The following PREX2 variants were observed in gnomAD, a reference collection of about 807,000 sequenced individuals.
The protein encoded by PREX2 is phosphatidylinositol-3,4,5-trisphosphate dependent Rac exchange factor 2, also known as phosphatidylinositol 3,4,5-trisphosphate-dependent Rac exchanger 2 protein.
In PREX2, 107 loss-of-function variants were observed where a neutral mutation model predicts 203.2. The observed-to-expected ratio is 0.53, with a 90% confidence interval of 0.45 to 0.62. PREX2 has a LOEUF of 0.62. PREX2 is among the 20% of genes least tolerant of loss of function. The pLI, the probability that PREX2 is intolerant of heterozygous loss-of-function variation, is 0.00. For missense variants in PREX2, 1,777 were observed against 1,955.9 expected (o/e 0.91, Z 1.72); for synonymous variants, 672 against 663.6 (o/e 1.01, Z -0.19).
chr8:68,046,064 A>G (rs1808342755), intron 8 of PREX2, among the ~76,000 whole-genome samples: 1 of 152,072 alleles, frequency 6.6e-6, no homozygotes, highest in Admixed American at 6.6e-5. Flanking sequence ...TCTGTTCTTT[A>G]TTGGACCTGA....
intron 20 of PREX2, among the ~76,000 whole-genome samples, chr8:68,093,145 C>A (rs1458952209): frequency 6.6e-6 from 1 of 152,042 alleles, no homozygotes; most frequent in Non-Finnish European, 1.5e-5. Context: ...AATCCCAGCA[C>A]TTTGGGAGGC....
At chr8:68,222,504 CT>C (rs1812972648) in intron 38 of PREX2, among the ~76,000 whole-genome samples, 1 of 151,058 alleles carries the variant, frequency 6.6e-6, no homozygotes, top group Non-Finnish European at 1.5e-5. Context: ...TGAGTCCACA[CT>C]GATTTAAATA....
intron 35 of PREX2, among the ~76,000 whole-genome samples, chr8:68,191,031 T>C (rs1251179412): frequency 6.6e-6 from 1 of 152,084 alleles, no homozygotes; most frequent in Admixed American, 6.6e-5. Flanking sequence ...AGCCATAAAA[T>C]AGAATGAGAT....
chr8:68,081,083 G>T (rs529912821), intron 17 of PREX2, among the ~76,000 whole-genome samples: 1 of 152,070 alleles, frequency 6.6e-6, no homozygotes, highest in Non-Finnish European at 1.5e-5. Context: ...TATAGCAGCC[G>T]TCCCCAACCT....
intron 5 of PREX2, among the ~76,000 whole-genome samples, chr8:68,027,935 C>T (rs534772652): frequency 5.3e-5 from 8 of 152,054 alleles, no homozygotes; most frequent in African/African-American, 1.9e-4. Context: ...CTGTAAGGTG[C>T]CAACTACTGC....
At chr8:68,051,329 A>G (rs1387652976) in intron 8 of PREX2, among the ~76,000 whole-genome samples, 3 of 148,258 alleles carry the variant, frequency 2.0e-5, no homozygotes, top group African/African-American at 8.0e-5. Flanking sequence ...ATCCAGAGTA[A>G]TGGTTAAAGG....
chr8:68,045,279 T>C (rs1352457936), intron 8 of PREX2, among the ~76,000 whole-genome samples: 2 of 152,052 alleles, frequency 1.3e-5, no homozygotes, highest in Non-Finnish European at 2.9e-5. Flanking sequence ...ATTCCATTTT[T>C]CCCCAATGAT....
intron 14 of PREX2, among the ~76,000 whole-genome samples, chr8:68,074,094 G>A (rs1029900534): frequency 2.0e-5 from 3 of 151,738 alleles, no homozygotes; most frequent in South Asian, 2.1e-4. Flanking sequence ...AGCTTCTCAA[G>A]TACCTGGGAT....
At chr8:68,076,910 T>C (rs937223544) in intron 14 of PREX2, among the ~76,000 whole-genome samples, 1 of 152,120 alleles carries the variant, frequency 6.6e-6, no homozygotes, top group Non-Finnish European at 1.5e-5. Flanking sequence ...GATTTACTTG[T>C]AAGGTCTTAC....
chr8:68,176,956 A>C (rs1229456088), intron 35 of PREX2: 1 of 152,178 alleles, frequency 6.6e-6, no homozygotes, highest in East Asian at 1.9e-4. Context: ...ATAAAGATAG[A>C]GACAATTGTT....
rs574789848 is a variant in PREX2 at position 68,196,820 on chromosome 8, C to A, written c.4604+4295C>A. 2.6e-5 allele frequency among the ~76,000 whole-genome samples: 4 copies of A among 152,150 alleles called. No homozygotes were observed. The East Asian group carries it at 7.7e-4, about 29-fold the overall frequency. ...CATGATTGTAAGTTTCCTGAGGCCT[C>A]CCCAGAGGCAGAAACCACGTTTCCC... On this transcript the variant is annotated intron_variant, in intron 37 of 39. Coordinates refer to ENST00000288368, the MANE Select transcript of PREX2 (RefSeq NM_024870.4).
intron 1 of PREX2, among the ~76,000 whole-genome samples, chr8:68,000,995 C>T (rs1329327931): frequency 6.6e-6 from 1 of 152,106 alleles, no homozygotes; most frequent in Non-Finnish European, 1.5e-5. Flanking sequence ...ACTGTAGAAA[C>T]CTTGGAAGAC....
At chr8:68,072,427 T>C (rs1809223830) in intron 13 of PREX2, 68 bp from the exon 14 acceptor site, 2 of 817,822 alleles carry the variant, frequency 2.4e-6, no homozygotes, top group African/African-American at 3.5e-5. Context: ...AAATATTTTC[T>C]TGTGCTTACC....
chr8:68,058,378 G>C (rs1808740064), intron 10 of PREX2, among the ~76,000 whole-genome samples: 1 of 151,902 alleles, frequency 6.6e-6, no homozygotes, highest in African/African-American at 2.4e-5. Context: ...CAGGCCCCGT[G>C]CTGAGTTCCT....
intron 1 of PREX2, among the ~76,000 whole-genome samples, chr8:68,007,813 G>A (rs1807139674): frequency 6.6e-6 from 1 of 152,158 alleles, no homozygotes; most frequent in South Asian, 2.1e-4. Flanking sequence ...GTTTCACTGT[G>A]TTAGCCAAGA....
At chr8:68,147,416 G>A (rs1375596305) in intron 34 of PREX2, among the ~76,000 whole-genome samples, 1 of 152,058 alleles carries the variant, frequency 6.6e-6, no homozygotes, top group Non-Finnish European at 1.5e-5. Flanking sequence ...TAATGGGGGT[G>A]GGTCTTTCCC....
chr8:68,092,517 A>T (rs187111591), intron 20 of PREX2, among the ~76,000 whole-genome samples: 1 of 152,322 alleles, frequency 6.6e-6, no homozygotes, highest in East Asian at 1.9e-4. Context: ...TTTGTTTGGT[A>T]GTCATCTCAT....
intron 1 of PREX2, among the ~76,000 whole-genome samples, chr8:67,992,642 AGT>A (rs1209787752): frequency 6.6e-6 from 1 of 152,204 alleles, no homozygotes; most frequent in African/African-American, 2.4e-5. Flanking sequence ...AAAACAGTGC[AGT>A]GTGTTGCGAG....
intron 3 of PREX2, among the ~76,000 whole-genome samples, chr8:68,020,378 G>A (rs1807537761): frequency 6.7e-6 from 1 of 149,050 alleles, no homozygotes; most frequent in African/African-American, 2.5e-5. Context: ...ATACCGTTAC[G>A]CTGATGCTAA....
Sources: gnomAD v4.1 joint callset for allele counts (sites outside exome capture counted in the v4.1 genomes callset) on GRCh38, gnomAD v4.1.1 for gene constraint, MANE v1.5 for transcripts, NCBI Gene and HGNC (gene_info 2026-07-23, HGNC 2026-07-21) for gene names.